The following TOP2B variants were observed in gnomAD, a reference collection of about 807,000 sequenced individuals.
The protein encoded by TOP2B is DNA topoisomerase II beta, also known as DNA topoisomerase 2-beta.
Under a neutral mutation model 193.5 loss-of-function variants are expected in TOP2B, and 51 were observed. The observed-to-expected ratio is 0.26, with a 90% CI of 0.21 to 0.33. TOP2B has a LOEUF of 0.33. Ranked by LOEUF, TOP2B falls within the 10% of genes least tolerant of loss-of-function variation. The probability of loss-of-function intolerance (pLI) is 1.00; values close to 1 mark genes in which losing one functional copy is unlikely to be tolerated. For synonymous variants in TOP2B, 634 were observed against 635.7 expected (o/e 1.00, Z 0.04); for missense variants, 1,378 against 1,909.3 (o/e 0.72, Z 5.19).
Position 25,633,942 on chromosome 3 carries a change from C to T in TOP2B, c.925G>A (p.Val309Ile). Reference sequence around the variant, plus strand: ...CTTTCATTTGCAAGCTCATGAATAACTTTCAGGGCCACCCCAGTTTCATCC... The same window carrying T: ...CTTTCATTTGCAAGCTCATGAATAATTTTCAGGGCCACCCCAGTTTCATCC... ...KLDETGVALK[V>I]IHELANERWD... The change falls in exon 8 of 36, where the codon GTT (valine) becomes ATT (isoleucine). Residue 309 changes from valine (V) to isoleucine (I), a missense_variant. By Grantham distance (29) the Val-to-Ile change is conservative. Coordinates refer to ENST00000264331, the MANE Select transcript of TOP2B (RefSeq NM_001330700.2). 6.2e-7 allele frequency: 1 copy of T among 1,613,078 alleles called. No individual in the cohort carries two copies. The highest frequency in any genetic ancestry group is 1.1e-5 in the South Asian group (1 of 91,018).
rs945218639 is a variant in TOP2B at position 25,615,383 on chromosome 3, G to A, written c.3507+48C>T. ...ATTTTTGGAAAAAGAAAAAGATACA[G>A]ATAACACTGAAATAGTTTCAAACTA... On this transcript the variant is annotated intron_variant, in intron 26 of 35. Transcript: ENST00000264331. 2.0e-6 allele frequency: 3 copies of A among 1,535,304 alleles called. No homozygotes were observed. In the African/African-American group the frequency reaches 4.2e-5, roughly 22 times the overall value.
At chr3:25,610,990 C>T (rs758110133) in intron 28 of TOP2B, among the ~76,000 whole-genome samples, 1 of 152,144 alleles carries the variant, frequency 6.6e-6, no homozygotes, top group Non-Finnish European at 1.5e-5. Context: ...TCATTGATGG[C>T]TGATAGTGTC....
intron 22 of TOP2B, 76 bp from the exon 23 acceptor site, chr3:25,620,138 G>C (rs769447655): frequency 3.1e-6 from 3 of 977,362 alleles, no homozygotes; most frequent in Non-Finnish European, 4.5e-6. Context: ...ATACAGTCTT[G>C]AAAATTCTCA....
intron 18 of TOP2B, among the ~76,000 whole-genome samples, chr3:25,625,651 T>C (rs994880990): frequency 1.3e-5 from 2 of 152,212 alleles, no homozygotes; most frequent in Admixed American, 6.5e-5. Context: ...TATTTTTACA[T>C]GTGGCCCAAG....
rs1021353032 is a variant in TOP2B at position 25,664,323 on chromosome 3, C to G, written c.-26G>C. 1 of 1,472,694 alleles carries G rather than the reference C, an allele frequency of 6.8e-7. No homozygotes were observed. The highest frequency in any genetic ancestry group is 2.5e-5 in the Admixed American group (1 of 40,630). 91.2% of individuals were successfully genotyped at this position (1,472,694 alleles called of 1,614,324 possible). ...GGCGAGTGCCTCCAGCTCACAGGCC[C>G]TGAGGCCGCAGCCGCCGCTCCCGCC... On this transcript the variant is annotated 5_prime_UTR_variant, in exon 1 of 36. Transcript: ENST00000264331.
intron 6 of TOP2B, 33 bp from the exon 7 acceptor site, chr3:25,636,181 A>G: frequency 7.6e-7 from 1 of 1,322,628 alleles, no homozygotes. Context: ...TATTTCTATA[A>G]TGCTTCCATA....
chr3:25,605,931 T>C (rs1484930673), intron 32 of TOP2B, 112 bp downstream of exon 32: 8 of 540,052 alleles, frequency 1.5e-5, no homozygotes, highest in Non-Finnish European at 2.4e-5. Context: ...GGAAGTTTTC[T>C]ACTCATTAAA....
intron 15 of TOP2B, 46 bp downstream of exon 15, chr3:25,628,801 T>G (rs770697487): frequency 1.2e-5 from 14 of 1,152,508 alleles, no homozygotes; most frequent in Non-Finnish European, 1.7e-5. Flanking sequence ...TTCATAAGAA[T>G]ACATTTATAT....
Position 25,609,281 on chromosome 3 carries a change from C to T in TOP2B, c.3995G>A (p.Arg1332Gln), listed in dbSNP as rs767404382. The change falls in exon 30 of 36, where the codon CGG becomes CAG. Residue 1332 changes from arginine to glutamine, a missense_variant. Coordinates refer to ENST00000264331, the MANE Select transcript of TOP2B (RefSeq NM_001330700.2). ...GGATTCATCATCTGACCAAGGATTC[C>T]GTTTCTTCACTTTCTTTGCACTAGG... ...GKPSAKKVKK[R>Q]NPWSDDESKS... is the part of the protein sequence containing the mutation. 6.2e-7 allele frequency: 1 copy of T among 1,601,404 alleles called. No homozygotes were observed. The highest frequency in any genetic ancestry group is 8.5e-7 in the Non-Finnish European group (1 of 1,172,814).
In TOP2B at chr3:25,609,606, T is replaced by C; in HGVS notation, c.3893A>G (p.Asn1298Ser). Residue 1298 changes from asparagine (N) to serine (S), a missense_variant, in exon 29 of 36, where the codon AAT becomes AGT. By Grantham distance (46) the Asn-to-Ser change is conservative. Around this residue, in one of 9 missense-constraint regions of TOP2B, gnomAD observed 556 missense variants for 584.2 expected, o/e 0.95. Coordinates refer to ENST00000264331, the MANE Select transcript of TOP2B (RefSeq NM_001330700.2). ...CTCCCTCTTAGGTTTGGGACCTTTA[T>C]TTATAGGAACTGATGGAGTCAATGC... is the stretch of plus-strand genomic sequence containing the variant. ...EEALTPSVPINKGPKPKREKK... is the reference protein window; with the variant it reads ...EEALTPSVPISKGPKPKREKK... The C allele has an allele frequency of 1.9e-6, 3 of 1,600,674 alleles. No homozygotes were observed.
intron 6 of TOP2B, among the ~76,000 whole-genome samples, chr3:25,636,550 G>C (rs941880744): frequency 6.6e-6 from 1 of 151,994 alleles, no homozygotes; most frequent in Non-Finnish European, 1.5e-5. Flanking sequence ...ATCCTCCTCT[G>C]ATTTTTGGTA....
chr3:25,617,053 C>CACAT (rs1702523009), intron 25 of TOP2B, among the ~76,000 whole-genome samples: 1 of 152,012 alleles, frequency 6.6e-6, no homozygotes, highest in Non-Finnish European at 1.5e-5. Context: ...CCAAAATGTA[C>CACAT]ACATGGCCAA....
intron 32 of TOP2B, 27 bp downstream of exon 32, chr3:25,606,016 A>G: frequency 7.7e-7 from 1 of 1,298,048 alleles, no homozygotes; most frequent in Non-Finnish European, 1.0e-6. Context: ...TAATACAATA[A>G]CCAATGAAAA....
At chr3:25,661,865 A>T (rs1403059863) in intron 1 of TOP2B, among the ~76,000 whole-genome samples, 1 of 152,126 alleles carries the variant, frequency 6.6e-6, no homozygotes, top group African/African-American at 2.4e-5. Context: ...ACAACTCCTC[A>T]CCCAGAAGAA....
intron 1 of TOP2B, among the ~76,000 whole-genome samples, chr3:25,659,882 T>C (rs532021553): frequency 5.3e-5 from 8 of 152,226 alleles, no homozygotes; most frequent in Non-Finnish European, 1.2e-4. Flanking sequence ...ATTCCACCTG[T>C]GCCTTAACCA....
chr3:25,642,044 C>T (rs1703278658), intron 4 of TOP2B, among the ~76,000 whole-genome samples: 1 of 151,962 alleles, frequency 6.6e-6, no homozygotes, highest in South Asian at 2.1e-4. Flanking sequence ...AGCCTTGAGT[C>T]CCAAAAGTAA....
chr3:25,618,199 C>T (rs190769883), intron 25 of TOP2B: 113 of 489,182 alleles, frequency 2.3e-4, no homozygotes, highest in African/African-American at 1.7e-3. Flanking sequence ...TTTCTCCAGG[C>T]TCTGGTTGAG....
intron 2 of TOP2B, among the ~76,000 whole-genome samples, chr3:25,643,997 T>C (rs920549397): frequency 6.6e-6 from 1 of 152,288 alleles, no homozygotes. Flanking sequence ...GTTTGTATTA[T>C]TATAAAGTCA....
Position 25,602,417 on chromosome 3 carries a change from A to AAAG in TOP2B, c.4490-1193_4490-1192insCTT, listed in dbSNP as rs1553639168. On this transcript the variant is annotated intron_variant, in intron 33 of 35. Transcript: ENST00000264331. ...GTCTCAAAAAAAAAAAAAGAAAAAGAAAAAAAAAAAACTGATAAATCACTT... is the reference window on the plus strand; with the variant it reads ...GTCTCAAAAAAAAAAAAAGAAAAAGAAAGAAAAAAAAAAACTGATAAATCACTT... 2.0e-3 allele frequency among the ~76,000 whole-genome samples: 141 copies of AAAG among 69,756 alleles called. 3 individuals carry two copies. The highest frequency in any genetic ancestry group is 8.6e-3 in the African/African-American group (110 of 12,812). 45.8% of individuals were successfully genotyped at this position (69,756 alleles called of 152,430 possible).
Sources: allele counts gnomAD v4.1 joint callset (sites outside exome capture counted in the v4.1 genomes callset), GRCh38; gene constraint gnomAD v4.1.1; regional missense constraint gnomAD v4.1.1; transcripts MANE v1.5; gene names NCBI Gene and HGNC (gene_info 2026-07-23, HGNC 2026-07-21).